ZDHHC6: variants seen among roughly 807,000 people sequenced by gnomAD.
The protein encoded by ZDHHC6 is zDHHC palmitoyltransferase 6, also known as palmitoyltransferase ZDHHC6.
ZDHHC6 carries 32 observed loss-of-function variants against 57.8 expected under a neutral mutation model. The ratio of observed to expected loss-of-function variants is 0.55; its 90% CI spans 0.42 to 0.74. The LOEUF (loss-of-function observed/expected upper bound fraction) is 0.74, where lower values mean the gene tolerates loss of function less well. Ranked by LOEUF, ZDHHC6 falls within the 30% of genes least tolerant of loss-of-function variation. ZDHHC6 has a pLI of 0.00. For missense variants in ZDHHC6, 433 were observed against 500.7 expected (o/e 0.86, Z 1.29); for synonymous variants, 128 against 158.0 (o/e 0.81, Z 1.42).
At chr10:112,442,642 T>G (rs752988733) in intron 3 of ZDHHC6, among the ~76,000 whole-genome samples, 1 of 152,190 alleles carries the variant, frequency 6.6e-6, no homozygotes, top group Non-Finnish European at 1.5e-5. Flanking sequence ...AAAGAGGGTC[T>G]CTTTATAATG....
chr10:112,425,150 G>C (rs2133681710), exon 12 of ZDHHC6: 1 of 488,574 alleles, frequency 2.0e-6, no homozygotes, highest in South Asian at 3.6e-5. Flanking sequence ...ATACAGTAAA[G>C]ACAGGTTCTT....
intron 1 of ZDHHC6, among the ~76,000 whole-genome samples, chr10:112,446,346 T>A (rs775329451): frequency 6.6e-6 from 1 of 151,782 alleles, no homozygotes; most frequent in Non-Finnish European, 1.5e-5. Flanking sequence ...AGAACCTGAA[T>A]TAGAAGATTC....
chr10:112,438,537 T>G lies in ZDHHC6; in HGVS notation c.682-148A>C, dbSNP rs539845271. 3.8e-4 allele frequency: 239 copies of G among 621,414 alleles called. No homozygotes were observed. In the African/African-American group the frequency reaches 4.3e-3, roughly 11 times the overall value. The allele number at this position is 621,414 out of a possible 1,614,324, so 38.5% of individuals were successfully genotyped here. A position where few individuals can be genotyped will look rare whatever the true frequency, so the allele number is the denominator to read the frequency against. On this transcript the variant is annotated intron_variant, in intron 5 of 10. Transcript: ENST00000369405. Reference sequence around the variant, plus strand: ...CAGAGGTTAAGTACCACAATTACCATGTCATCCGTCTGACTCCAAAGTCCT... The same window carrying G: ...CAGAGGTTAAGTACCACAATTACCAGGTCATCCGTCTGACTCCAAAGTCCT...
At chr10:112,441,396 C>T (rs1179894942) in intron 4 of ZDHHC6, among the ~76,000 whole-genome samples, 1 of 152,222 alleles carries the variant, frequency 6.6e-6, no homozygotes, top group Non-Finnish European at 1.5e-5. Context: ...GTTGTTTCTT[C>T]CCTCATGTTT....
chr10:112,444,900 C>A (rs1307912280), intron 2 of ZDHHC6, among the ~76,000 whole-genome samples: 1 of 152,030 alleles, frequency 6.6e-6, no homozygotes, highest in Non-Finnish European at 1.5e-5. Context: ...TGACCATGAA[C>A]CTATCCCACC....
At chr10:112,435,268 T>A (rs1845417128) in intron 6 of ZDHHC6, among the ~76,000 whole-genome samples, 1 of 152,152 alleles carries the variant, frequency 6.6e-6, no homozygotes, top group African/African-American at 2.4e-5. Flanking sequence ...AGTATACAAA[T>A]CCCTTCAAAT....
chr10:112,439,095 T>G (rs1845822046), intron 5 of ZDHHC6, among the ~76,000 whole-genome samples: 1 of 152,110 alleles, frequency 6.6e-6, no homozygotes, highest in African/African-American at 2.4e-5. Flanking sequence ...AGAGAGACAG[T>G]GTAGTATGTT....
At chr10:112,429,975 G>T (rs955740533), downstream of ZDHHC6, among the ~76,000 whole-genome samples, 2 of 150,762 alleles carry the variant, frequency 1.3e-5, no homozygotes, top group Non-Finnish European at 3.0e-5. Context: ...TTGGGGGGGG[G>T]GTGTGGGGGG....
In ZDHHC6 at chr10:112,445,357, G is replaced by A. The variant is rs1846559878; in HGVS notation, c.80C>T (p.Ala27Val). 1.9e-6 allele frequency: 3 copies of A among 1,614,042 alleles called. No individual in the cohort carries two copies. Among genetic ancestry groups the A allele is most frequent in the Non-Finnish European group, 2.5e-6 (3 of 1,180,044 alleles). ...AGAACATATTGCTATAACACCAAGG[G>A]CTATGATGGGACCCCAGTGACACAG... is the stretch of plus-strand genomic sequence containing the variant. ...KRLCHWGPIIALGVIAICSTM... is the reference protein window; with the variant it reads ...KRLCHWGPIIVLGVIAICSTM... The change falls in exon 2 of 11, where the codon GCC becomes GTC. Residue 27 changes from alanine to valine, a missense_variant. Coordinates refer to ENST00000369405, the MANE Select transcript of ZDHHC6 (RefSeq NM_022494.3).
rs987816901 is a variant in ZDHHC6, at chr10:112,445,610, T to C, written c.-174A>G. ...ACTGTCAGGCACCCAAAGCTCTTTA[T>C]CTTAACTAGGAGAATCCAGTGTCTT... On this transcript the variant is annotated 5_prime_UTR_variant, in exon 2 of 11. Coordinates refer to ENST00000369405, the MANE Select transcript of ZDHHC6 (RefSeq NM_022494.3). 2.7e-6 allele frequency: 2 copies of C among 741,906 alleles called. No homozygotes were observed. The highest frequency in any genetic ancestry group is 2.1e-5 in the South Asian group (1 of 47,620). 46.0% of individuals were successfully genotyped at this position (741,906 alleles called of 1,614,324 possible).
upstream of ZDHHC6, chr10:112,447,078 CT>C (rs748316597): frequency 4.9e-6 from 2 of 411,642 alleles, no homozygotes; most frequent in South Asian, 3.2e-5. Context: ...TCCCTCAGAA[CT>C]TGCATATTTT....
Position 112,430,707 on chromosome 10 carries a change from T to G in ZDHHC6, c.*97A>C. The G allele has an allele frequency of 9.5e-7, 1 of 1,052,246 alleles. No individual in the cohort carries two copies. Among genetic ancestry groups the G allele is most frequent in the Non-Finnish European group, 1.4e-6 (1 of 739,400 alleles). 65.2% of individuals were successfully genotyped at this position (1,052,246 alleles called of 1,614,324 possible). A position where few individuals can be genotyped will look rare whatever the true frequency, so the allele number is the denominator to read the frequency against. The stretch of plus-strand genomic sequence containing the variant: ...TAGGGCACCTTTGAGGAAAAGAACA[T>G]CTTAACCAGAGTAGGCTCATTGCAT... On this transcript the variant is annotated 3_prime_UTR_variant, in exon 11 of 11. Transcript: ENST00000369405.
intron 6 of ZDHHC6, among the ~76,000 whole-genome samples, chr10:112,438,125 T>G (rs960664893): frequency 2.0e-5 from 3 of 152,204 alleles, no homozygotes; most frequent in African/African-American, 7.2e-5. Context: ...CACCTTTCTG[T>G]GGGAGTTACA....
chr10:112,430,706 A>T lies in ZDHHC6; in HGVS notation c.*98T>A, dbSNP rs562459473. On this transcript the variant is annotated 3_prime_UTR_variant, in exon 11 of 11. Coordinates refer to ENST00000369405, the MANE Select transcript of ZDHHC6 (RefSeq NM_022494.3). ...CTAGGGCACCTTTGAGGAAAAGAACATCTTAACCAGAGTAGGCTCATTGCA... is the reference window on the plus strand; with the variant it reads ...CTAGGGCACCTTTGAGGAAAAGAACTTCTTAACCAGAGTAGGCTCATTGCA... 9.6e-7 allele frequency: 1 copy of T among 1,036,270 alleles called. No individual in the cohort carries two copies. Among genetic ancestry groups the T allele is most frequent in the African/African-American group, 1.6e-5 (1 of 62,104 alleles). 64.2% of individuals were successfully genotyped at this position (1,036,270 alleles called of 1,614,324 possible).
At chr10:112,434,498 C>A in intron 6 of ZDHHC6, 34 bp from the exon 7 acceptor site, 1 of 1,593,090 alleles carries the variant, frequency 6.3e-7, no homozygotes, top group Non-Finnish European at 8.6e-7. Context: ...TGGCAGGTGC[C>A]TCTGTCTAAG....
chr10:112,426,415 G>A (rs560594913), downstream of ZDHHC6: 75 of 1,456,144 alleles, frequency 5.2e-5, no homozygotes, highest in South Asian at 8.4e-4. Context: ...GTGGAGGAGA[G>A]GATGCCTCAC....
chr10:112,445,656 G>C lies in ZDHHC6; in HGVS notation c.-214-6C>G. ...GTCTTGGTCTGAAACCCAACCTAAAGAAAACAAAATGGGAAAGTTCAGTTA... is the reference window on the plus strand; with the variant it reads ...GTCTTGGTCTGAAACCCAACCTAAACAAAACAAAATGGGAAAGTTCAGTTA... On this transcript the variant is annotated splice_region_variant and splice_polypyrimidine_tract_variant and intron_variant, in intron 1 of 10. Transcript: ENST00000369405. 1.8e-6 allele frequency: 1 copy of C among 553,298 alleles called. No homozygotes were observed. The highest frequency in any genetic ancestry group is 3.2e-5 in the South Asian group (1 of 31,288). The allele number at this position is 553,298 out of a possible 1,614,324, so 34.3% of individuals were successfully genotyped here.
At chr10:112,440,136 G>C (rs1423080647) in intron 5 of ZDHHC6, among the ~76,000 whole-genome samples, 3 of 117,096 alleles carry the variant, frequency 2.6e-5, no homozygotes, top group Non-Finnish European at 6.0e-5. Context: ...TGTTTACCAA[G>C]TACATGAATG....
At chr10:112,447,263 C>T, upstream of ZDHHC6, 1 of 1,175,638 alleles carries the variant, frequency 8.5e-7, no homozygotes, top group Non-Finnish European at 1.2e-6. Context: ...GTTCTCCGTT[C>T]TGCTCTCGGG....
Sources: allele counts gnomAD v4.1 joint callset (sites outside exome capture counted in the v4.1 genomes callset), GRCh38; gene constraint gnomAD v4.1.1; transcripts MANE v1.5; gene names NCBI Gene and HGNC (gene_info 2026-07-23, HGNC 2026-07-21).